TLR4: variants seen among roughly 807,000 people sequenced by gnomAD.
The protein encoded by TLR4 is toll-like receptor 4.
TLR4 carries 17 observed loss-of-function variants against 27.4 expected under a neutral mutation model. The ratio of observed to expected loss-of-function variants is 0.62; its 90% confidence interval spans 0.42 to 0.93. TLR4 has a LOEUF of 0.93. TLR4 is among the 40% of genes least tolerant of loss of function. The probability of loss-of-function intolerance (pLI) is 0.00; values close to 1 mark genes in which losing one functional copy is unlikely to be tolerated. For missense variants in TLR4, 926 were observed against 962.3 expected, an observed-to-expected ratio of 0.96 and a Z score of 0.50; for synonymous variants, 363 against 365.7, an observed-to-expected ratio of 0.99 and a Z score of 0.08.
At chr9:117,708,152 C>T (rs1829167278) in intron 1 of TLR4, 1 of 998,508 alleles carries the variant, frequency 1.0e-6, no homozygotes, top group Non-Finnish European at 1.2e-6. Context: ...AAATGAGGCT[C>T]ACTGAGGTTT....
rs1046697548 is a variant in TLR4, at chr9:117,714,912, T to C, written c.*264T>C. The stretch of plus-strand genomic sequence containing the variant: ...CCATGACAAAGAAAGTCATTTCAAC[T>C]CTTACCTCATCAAGTTGAATAAAGA... On this transcript the variant is annotated 3_prime_UTR_variant, in exon 3 of 3. Transcript: ENST00000355622. The C allele has an allele frequency of 1.9e-6, 1 of 516,250 alleles. No individual in the cohort carries two copies. The allele number at this position is 516,250 out of a possible 1,614,324, so 32.0% of individuals were successfully genotyped here.
Position 117,714,044 on chromosome 9 carries a change from T to G in TLR4, c.1916T>G (p.Leu639Arg), listed in dbSNP as rs1398523929. ...AAGACCATCATTGGTGTGTCGGTCC[T>G]CAGTGTGCTTGTAGTATCTGTTGTA... ...MNKTIIGVSVLSVLVVSVVAV... is the reference protein window; with the variant it reads ...MNKTIIGVSVRSVLVVSVVAV... The change falls in exon 3 of 3, where the codon CTC becomes CGC. Residue 639 changes from leucine to arginine, a missense_variant. Leu to Arg is a moderately radical substitution (Grantham distance 102). Coordinates refer to ENST00000355622, the MANE Select transcript of TLR4 (RefSeq NM_138554.5). 6.2e-7 allele frequency: 1 copy of G among 1,613,884 alleles called. No individual in the cohort carries two copies. Among genetic ancestry groups the G allele is most frequent in the East Asian group, 2.2e-5 (1 of 44,840 alleles).
Position 117,715,584 on chromosome 9 carries a change from C to T in TLR4, c.*936C>T, listed in dbSNP as rs200109652. Reference sequence around the variant, plus strand: ...AGAGGCAGGAAGGAAGTGGGATGACCTCAGGAGGTCACCTTTTCTTGATTC... The same window carrying T: ...AGAGGCAGGAAGGAAGTGGGATGACTTCAGGAGGTCACCTTTTCTTGATTC... On this transcript the variant is annotated 3_prime_UTR_variant, in exon 3 of 3. Coordinates refer to ENST00000355622, the MANE Select transcript of TLR4 (RefSeq NM_138554.5). The T allele has an allele frequency of 1.3e-5, 2 of 152,186 alleles. No individual in the cohort carries two copies. The highest frequency in any genetic ancestry group is 4.8e-5 in the African/African-American group (2 of 41,442). The allele number at this position is 152,186 out of a possible 1,614,324, so 9.4% of individuals were successfully genotyped here. A position where few individuals can be genotyped will look rare whatever the true frequency, so the allele number is the denominator to read the frequency against.
intron 1 of TLR4, 38 bp from the exon 2 acceptor site, chr9:117,708,525 G>A (rs1829175150): frequency 6.2e-7 from 1 of 1,612,952 alleles, no homozygotes. Context: ...GGGAGACCAT[G>A]CAGTAAAGAT....
chr9:117,708,524 T>G, intron 1 of TLR4, 39 bp from the exon 2 acceptor site: 2 of 1,612,960 alleles, frequency 1.2e-6, no homozygotes, highest in Non-Finnish European at 1.7e-6. Context: ...TGGGAGACCA[T>G]GCAGTAAAGA....
Position 117,714,624 on chromosome 9 carries a change from T to C in TLR4, c.2496T>C (p.Asn832=), listed in dbSNP as rs144250100. ...NPEGTVGTGC[N]WQEATSI ...AAGGAACAGTGGGTACAGGATGCAATTGGCAGGAAGCAACATCTATCTGAA... is the reference window on the plus strand; with the variant it reads ...AAGGAACAGTGGGTACAGGATGCAACTGGCAGGAAGCAACATCTATCTGAA... Residue 832 remains asparagine (N), a synonymous_variant, in exon 3 of 3, where the codon AAT becomes AAC. Coordinates refer to ENST00000355622, the MANE Select transcript of TLR4 (RefSeq NM_138554.5). 1.4e-5 allele frequency: 22 copies of C among 1,613,222 alleles called. No individual in the cohort carries two copies. The highest frequency in any genetic ancestry group is 1.2e-4 in the African/African-American group (9 of 75,008).
At position 117,711,380 on chromosome 9, in the gene TLR4, T is replaced by C. The variant is rs578185834; in HGVS notation, c.261-1009T>C. Among the ~76,000 whole-genome samples the C allele has an allele frequency of 2.6e-5, 4 of 152,330 alleles. No homozygotes were observed. The East Asian group carries it at 5.8e-4, about 22-fold the overall frequency. On this transcript the variant is annotated intron_variant, in intron 2 of 2. Coordinates refer to ENST00000355622, the MANE Select transcript of TLR4 (RefSeq NM_138554.5). ...CTGCAATGCTGAAAGGAATTTTTCA[T>C]TGGCTTGCTGTTTGCTGGCTGCATC...
rs5031050 is a variant in TLR4 at position 117,713,153 on chromosome 9, T to A, written c.1025T>A (p.Phe342Tyr). Residue 342 changes from phenylalanine to tyrosine, a missense_variant, in exon 3 of 3, where the codon TTT becomes TAT. Coordinates refer to ENST00000355622, the MANE Select transcript of TLR4 (RefSeq NM_138554.5). ...WQHLELVNCK[F>Y]GQFPTLKLKS... ...CATTTAGAATTAGTTAACTGTAAATTTGGACAGTTTCCCACATTGAAACTC... is the reference window on the plus strand; with the variant it reads ...CATTTAGAATTAGTTAACTGTAAATATGGACAGTTTCCCACATTGAAACTC... 9.0e-5 allele frequency: 145 copies of A among 1,613,614 alleles called. 1 individual carries two copies. The highest frequency in any genetic ancestry group is 8.6e-5 in the Non-Finnish European group (101 of 1,179,808).
At chr9:117,705,220 T>C (rs902106533) in intron 1 of TLR4, among the ~76,000 whole-genome samples, 1 of 152,184 alleles carries the variant, frequency 6.6e-6, no homozygotes. Context: ...AGCTGGTTGG[T>C]AATCTTATTC....
rs1829249715 is a variant in TLR4, at chr9:117,712,499, G to C, written c.371G>C (p.Gly124Ala). Residue 124 changes from glycine (G) to alanine (A), a missense_variant, in exon 3 of 3, where the codon GGA (glycine) becomes GCA (alanine). Physicochemically the swap from Gly to Ala is moderately conservative, Grantham distance 60 (BLOSUM62 0). Coordinates refer to ENST00000355622, the MANE Select transcript of TLR4 (RefSeq NM_138554.5). ...AGTTTAGCCCTGGGAGCCTTTTCTG[G>C]ACTATCAAGTTTACAGAAGCTGGTG... ...IQSLALGAFS[G>A]LSSLQKLVAV... 6.2e-7 allele frequency: 1 copy of C among 1,613,778 alleles called. No individual in the cohort carries two copies. The highest frequency in any genetic ancestry group is 1.7e-5 in the Admixed American group (1 of 59,966).
chr9:117,709,981 GATA>G (rs1341581262), intron 2 of TLR4, among the ~76,000 whole-genome samples: 1 of 151,822 alleles, frequency 6.6e-6, no homozygotes, highest in East Asian at 1.9e-4. Flanking sequence ...GATTAAATGT[GATA>G]ATAAATATTA....
intron 2 of TLR4, among the ~76,000 whole-genome samples, chr9:117,711,747 A>G (rs528412902): frequency 3.9e-5 from 6 of 152,296 alleles, no homozygotes; most frequent in African/African-American, 1.4e-4. Flanking sequence ...TTGGTCCACA[A>G]CGGTTCTCTG....
rs1336840309 is a variant in TLR4 at position 117,717,038 on chromosome 9, G to C, written c.*2390G>C. 6.6e-6 allele frequency: 1 copy of C among 152,152 alleles called. No individual in the cohort carries two copies. Among genetic ancestry groups the C allele is most frequent in the Non-Finnish European group, 1.5e-5 (1 of 68,022 alleles). 9.4% of individuals were successfully genotyped at this position (152,152 alleles called of 1,614,324 possible). On this transcript the variant is annotated 3_prime_UTR_variant, in exon 3 of 3. Coordinates refer to ENST00000355622, the MANE Select transcript of TLR4 (RefSeq NM_138554.5). ...CCCTGGGTGTGTTTCCATGTCTCAT[G>C]TACTAGTGAAAGTAGATGTGTGCAT... is the stretch of plus-strand genomic sequence containing the variant.
chr9:117,710,378 C>T (rs963633581), intron 2 of TLR4, among the ~76,000 whole-genome samples: 122 of 151,268 alleles, frequency 8.1e-4, no homozygotes, highest in African/African-American at 2.8e-3. Context: ...TGCATCTATG[C>T]CATTATGTTC....
At position 117,718,460 on chromosome 9, in the gene TLR4, G is replaced by A. The variant is rs375182059; in HGVS notation, c.*3812G>A. 6.6e-6 allele frequency: 1 copy of A among 152,000 alleles called. No homozygotes were observed. The highest frequency in any genetic ancestry group is 1.9e-4 in the East Asian group (1 of 5,184). The allele number at this position is 152,000 out of a possible 1,614,324, so 9.4% of individuals were successfully genotyped here. ...AAACAAAGGATATGTGAACAATAGG[G>A]TTAATCAATAATAAGTAGAAAATCT... On this transcript the variant is annotated 3_prime_UTR_variant, in exon 3 of 3. Coordinates refer to ENST00000355622, the MANE Select transcript of TLR4 (RefSeq NM_138554.5).
Position 117,713,687 on chromosome 9 carries a change from C to G in TLR4, c.1559C>G (p.Ser520Cys). 6.2e-7 allele frequency: 1 copy of G among 1,614,002 alleles called. No homozygotes were observed. The highest frequency in any genetic ancestry group is 8.5e-7 in the Non-Finnish European group (1 of 1,180,012). Residue 520 changes from serine to cysteine, a missense_variant, in exon 3 of 3, where the codon TCC becomes TGC. By Grantham distance (112) the Ser-to-Cys change is moderately radical (BLOSUM62 -1). Coordinates refer to ENST00000355622, the MANE Select transcript of TLR4 (RefSeq NM_138554.5). ...QLSPTAFNSL[S>C]SLQVLNMSHN... is the part of the protein sequence containing the mutation. The stretch of plus-strand genomic sequence containing the variant: ...TCTCCAACAGCATTTAACTCACTCT[C>G]CAGTCTTCAGGTACTAAATATGAGC...
Position 117,715,012 on chromosome 9 carries a change from T to C in TLR4, c.*364T>C, listed in dbSNP as rs181989391. Reference sequence around the variant, plus strand: ...AAATTGTATTATGTTATAGCCATCATAAAACCATTTTGGTAGTTTTGACTG... The same window carrying C: ...AAATTGTATTATGTTATAGCCATCACAAAACCATTTTGGTAGTTTTGACTG... On this transcript the variant is annotated 3_prime_UTR_variant, in exon 3 of 3. Transcript: ENST00000355622. 41 of 247,304 alleles carry C rather than the reference T, an allele frequency of 1.7e-4. No homozygotes were observed. Among genetic ancestry groups the C allele is most frequent in the Non-Finnish European group, 3.0e-4 (38 of 125,180 alleles). 15.3% of individuals were successfully genotyped at this position (247,304 alleles called of 1,614,324 possible).
Position 117,714,815 on chromosome 9 carries a change from C to T in TLR4, c.*167C>T. 1 of 680,770 alleles carries T rather than the reference C, an allele frequency of 1.5e-6. No homozygotes were observed. 42.2% of individuals were successfully genotyped at this position (680,770 alleles called of 1,614,324 possible). On this transcript the variant is annotated 3_prime_UTR_variant, in exon 3 of 3. Coordinates refer to ENST00000355622, the MANE Select transcript of TLR4 (RefSeq NM_138554.5). ...TGCTAATCTCAAGGAGCTTCCAGTG[C>T]AGAGGGAATAAATGCTAGACTAAAA...
At chr9:117,705,134 G>A (rs1037812531) in intron 1 of TLR4, among the ~76,000 whole-genome samples, 1 of 151,910 alleles carries the variant, frequency 6.6e-6, no homozygotes, top group Non-Finnish European at 1.5e-5. Context: ...GAGAGAGAGA[G>A]AGAAGAAAAA....
Sources: gnomAD v4.1 joint callset for allele counts (sites outside exome capture counted in the v4.1 genomes callset) on GRCh38, gnomAD v4.1.1 for gene constraint, MANE v1.5 for transcripts, NCBI Gene and HGNC (gene_info 2026-07-23, HGNC 2026-07-21) for gene names.